The following IK variants were observed in gnomAD, a reference collection of about 807,000 sequenced individuals.
IK encodes protein Red.
IK carries 47 observed loss-of-function variants against 90.9 expected under a neutral mutation model. The ratio of observed to expected loss-of-function variants is 0.52; its 90% CI spans 0.41 to 0.66. The LOEUF (loss-of-function observed/expected upper bound fraction) is 0.66. Among genes scored for constraint, IK ranks in the 30% least tolerant of loss-of-function variants. The pLI is 0.00. For synonymous variants in IK, 201 were observed against 227.5 expected (o/e 0.88, Z 1.05); for missense variants, 385 against 709.3 (o/e 0.54, Z 5.19).
intron 18 of IK, 81 bp from the exon 19 acceptor site, chr5:140,662,098 A>G (rs1280595945): frequency 5.0e-6 from 8 of 1,593,084 alleles, no homozygotes; most frequent in Non-Finnish European, 6.0e-6. Context: ...CTGGAGAGCC[A>G]TGGAAATGAG....
In IK at chr5:140,661,301, C is replaced by A; in HGVS notation, c.1414-319C>A. 3.0e-6 allele frequency: 1 copy of A among 332,290 alleles called. No individual in the cohort carries two copies. The highest frequency in any genetic ancestry group is 2.2e-5 in the African/African-American group (1 of 46,222). 20.6% of individuals were successfully genotyped at this position (332,290 alleles called of 1,614,324 possible). ...AATCTTGGAGCCTTGTTTAATCCTG[C>A]CTCTACTGTTTATTAGTTTTGTGAA... On this transcript the variant is annotated intron_variant, in intron 16 of 19. Coordinates refer to ENST00000417647, the MANE Select transcript of IK (RefSeq NM_006083.4). This position sits in a 1 kb window ranked among gnomAD's most constrained non-coding sequence, Gnocchi z 4.2.
rs1264573931 is a variant in IK at position 140,657,667 on chromosome 5, C to T, written c.910+5C>T. The T allele has an allele frequency of 2.5e-6, 4 of 1,588,222 alleles. No homozygotes were observed. The highest frequency in any genetic ancestry group is 4.5e-5 in the East Asian group (2 of 44,708). ...AGCTTAAGAAGAAGGATAAAGGTAC[C>T]TGGAGGGTTAGAGAGAGAAGCCTTA... On this transcript the variant is annotated splice_donor_5th_base_variant and intron_variant, in intron 10 of 19. Coordinates refer to ENST00000417647, the MANE Select transcript of IK (RefSeq NM_006083.4).
intron 4 of IK, 47 bp from the exon 5 acceptor site, chr5:140,652,930 A>T: frequency 6.3e-7 from 1 of 1,581,390 alleles, no homozygotes; most frequent in South Asian, 1.1e-5. Context: ...GTTGACCTTG[A>T]GGTAGCAGCT....
At chr5:140,656,090 T>A in intron 9 of IK, 98 bp downstream of exon 9, 1 of 1,158,788 alleles carries the variant, frequency 8.6e-7, no homozygotes, top group Non-Finnish European at 1.2e-6. Context: ...TGTCACCAAG[T>A]GCTGTTCACT....
chr5:140,658,853 T>G (rs1581484723), intron 11 of IK, 77 bp downstream of exon 11: 2 of 1,595,396 alleles, frequency 1.3e-6, no homozygotes, highest in South Asian at 1.1e-5. Flanking sequence ...TTTGGGGAGG[T>G]GCTGACATGA....
chr5:140,662,285 T>C lies in IK; in HGVS notation c.1647-17T>C, dbSNP rs753918994. ...GTGTATTGATCTTATACTGACCCAT[T>C]TCTCCTTCCATTGCAGGGTTGAAGT... is the stretch of plus-strand genomic sequence containing the variant. On this transcript the variant is annotated splice_polypyrimidine_tract_variant and intron_variant, in intron 19 of 19. Transcript: ENST00000417647. 10 of 1,614,002 alleles carry C rather than the reference T, an allele frequency of 6.2e-6. No homozygotes were observed. The highest frequency in any genetic ancestry group is 8.5e-6 in the Non-Finnish European group (10 of 1,179,882).
intron 8 of IK, 70 bp downstream of exon 8, chr5:140,654,797 G>T: frequency 2.0e-6 from 2 of 1,018,164 alleles, no homozygotes; most frequent in South Asian, 1.4e-5. Context: ...GCTCTGGGAA[G>T]GATATGCTTC....
intron 8 of IK, 51 bp from the exon 9 acceptor site, chr5:140,655,778 A>C: frequency 6.4e-7 from 1 of 1,570,534 alleles, no homozygotes; most frequent in Non-Finnish European, 8.7e-7. Context: ...CACATAAGTG[A>C]CAGCTGTTCT....
intron 4 of IK, 28 bp from the exon 5 acceptor site, chr5:140,652,949 T>C (rs1249263285): frequency 6.2e-7 from 1 of 1,610,158 alleles, no homozygotes; most frequent in Non-Finnish European, 8.5e-7. Flanking sequence ...CTGATGAGCC[T>C]TATACATTTG....
chr5:140,653,825 A>G (rs1299090412), intron 5 of IK, 113 bp from the exon 6 acceptor site: 2 of 628,984 alleles, frequency 3.2e-6, no homozygotes, highest in Non-Finnish European at 2.8e-6. Context: ...GGCTGGTCTC[A>G]AACTCCTGAC....
chr5:140,659,251 T>G (rs1757762361), intron 12 of IK, 64 bp from the exon 13 acceptor site: 1 of 1,613,182 alleles, frequency 6.2e-7, no homozygotes, highest in Admixed American at 1.7e-5. Context: ...GTTTCAAACT[T>G]GGGGGAGGGA....
intron 4 of IK, among the ~76,000 whole-genome samples, chr5:140,652,697 T>G (rs1449287460): frequency 6.6e-6 from 1 of 152,168 alleles, no homozygotes; most frequent in Non-Finnish European, 1.5e-5. Flanking sequence ...AAGTCTTATA[T>G]CTATAGAGAA....
intron 5 of IK, 47 bp downstream of exon 5, chr5:140,653,191 C>G: frequency 6.6e-7 from 1 of 1,513,974 alleles, no homozygotes; most frequent in Non-Finnish European, 9.1e-7. Flanking sequence ...ATCCGAGAGT[C>G]ATGCAAATAC....
chr5:140,648,658 C>T, intron 2 of IK, 121 bp downstream of exon 2: 1 of 959,132 alleles, frequency 1.0e-6, no homozygotes, highest in Non-Finnish European at 1.7e-6. Flanking sequence ...TACCCGCTGG[C>T]CCTTTATCTC....
At chr5:140,651,578 A>G (rs572522862) in intron 2 of IK, 136 bp from the exon 3 acceptor site, 3 of 571,264 alleles carry the variant, frequency 5.3e-6, no homozygotes, top group African/African-American at 1.9e-5. Flanking sequence ...TCCGTCTCAA[A>G]AAAAAAAAAA....
chr5:140,647,884 G>A lies in IK; in HGVS notation c.-25G>A. The A allele has an allele frequency of 1.2e-6, 2 of 1,613,964 alleles. No homozygotes were observed. Among genetic ancestry groups the A allele is most frequent in the Non-Finnish European group, 1.7e-6 (2 of 1,179,832 alleles). On this transcript the variant is annotated 5_prime_UTR_variant, in exon 1 of 20. The change creates a new upstream start codon in the 5' untranslated region. Coordinates refer to ENST00000417647, the MANE Select transcript of IK (RefSeq NM_006083.4). ...GTTGCTGTTGGAGACTCGATTGTTG[G>A]TGACAGCGAAAGAACGATAACAAAA...
At chr5:140,656,035 G>A (rs764899609) in intron 9 of IK, 43 bp downstream of exon 9, 13 of 1,543,880 alleles carry the variant, frequency 8.4e-6, no homozygotes, top group South Asian at 7.2e-5. Flanking sequence ...TGAGCCTCAA[G>A]CCTGGGAATC....
In IK at chr5:140,654,707, T is replaced by G; in HGVS notation, c.617T>G (p.Ile206Ser). 1.9e-6 allele frequency: 3 copies of G among 1,604,160 alleles called. No homozygotes were observed. The highest frequency in any genetic ancestry group is 2.6e-6 in the Non-Finnish European group (3 of 1,173,078). Residue 206 changes from isoleucine (I) to serine (S), a missense_variant, in exon 8 of 20, where the codon ATT becomes AGT. Ile to Ser is a moderately radical substitution (Grantham distance 142, BLOSUM62 -2). Coordinates refer to ENST00000417647, the MANE Select transcript of IK (RefSeq NM_006083.4). ...AAAGATGAGGATCCTGAAAATAAAA[T>G]TGAATTTAAAACACGTCTGGGTGAG... ...TKKDEDPENK[I>S]EFKTRLGRNV...
At chr5:140,651,465 G>A (rs1454968747) in intron 2 of IK, among the ~76,000 whole-genome samples, 1 of 150,452 alleles carries the variant, frequency 6.6e-6, no homozygotes, top group Non-Finnish European at 1.5e-5. Context: ...AGCTGGGTGC[G>A]GTGGCTCATC....
Sources: gnomAD v4.1 joint callset for allele counts (sites outside exome capture counted in the v4.1 genomes callset) on GRCh38, gnomAD v4.1.1 for gene constraint, Gnocchi (gnomAD v3.1) non-coding constraint, MANE v1.5 for transcripts, NCBI Gene and HGNC (gene_info 2026-07-23, HGNC 2026-07-21) for gene names.